Variants in AIG1 observed in about 807,000 individuals in gnomAD.
AIG1 encodes the protein androgen induced 1.
AIG1 carries 23 observed loss-of-function variants against 31.4 expected under a neutral mutation model. The observed-to-expected ratio is 0.73, with a 90% CI of 0.53 to 1.04. The LOEUF (loss-of-function observed/expected upper bound fraction) is 1.04. Ranked by LOEUF, AIG1 falls within the 50% of genes least tolerant of loss-of-function variation. The pLI, the probability that AIG1 is intolerant of heterozygous loss-of-function variation, is 0.00. For synonymous variants in AIG1, 100 were observed against 110.5 expected (o/e 0.90, Z 0.60); for missense variants, 274 against 295.0 (o/e 0.93, Z 0.52).
At chr6:143,318,006 A>G (rs980085002) in intron 4 of AIG1, among the ~76,000 whole-genome samples, 2 of 152,150 alleles carry the variant, frequency 1.3e-5, no homozygotes, top group Non-Finnish European at 1.5e-5. Context: ...GACTACACAA[A>G]CAAATGGAAA....
Position 143,328,580 on chromosome 6 carries a change from G to C in AIG1, c.516-4702G>C, listed in dbSNP as rs1048865486. Among the ~76,000 whole-genome samples the C allele has an allele frequency of 6.6e-6, 1 of 152,106 alleles. No homozygotes were observed. The highest frequency in any genetic ancestry group is 6.5e-5 in the Admixed American group (1 of 15,270). Reference sequence around the variant, plus strand: ...ATTACACTGTACTCCATGAGGACAGGAGTTAGCTCTGCCTCATTTACTTTT... The same window carrying C: ...ATTACACTGTACTCCATGAGGACAGCAGTTAGCTCTGCCTCATTTACTTTT... On this transcript the variant is annotated intron_variant, in intron 4 of 5. Coordinates refer to ENST00000357847, the MANE Select transcript of AIG1 (RefSeq NM_016108.4). The surrounding 1 kb of genome is among the most constrained non-coding windows in gnomAD (Gnocchi z 4.0).
intron 2 of AIG1, among the ~76,000 whole-genome samples, chr6:143,156,242 T>C (rs925298820): frequency 3.3e-5 from 5 of 152,208 alleles, no homozygotes; most frequent in African/African-American, 1.2e-4. Flanking sequence ...ATTGGGAAAT[T>C]GGAAAGAATG....
At chr6:143,204,208 G>A (rs888549374) in intron 3 of AIG1, among the ~76,000 whole-genome samples, 1 of 152,154 alleles carries the variant, frequency 6.6e-6, no homozygotes, top group Non-Finnish European at 1.5e-5. Flanking sequence ...GTGTTGGTCT[G>A]GAATTGAGGC....
chr6:143,093,080 T>C (rs1779448885), intron 1 of AIG1, among the ~76,000 whole-genome samples: 1 of 151,916 alleles, frequency 6.6e-6, no homozygotes, highest in Admixed American at 6.6e-5. Flanking sequence ...ATCCCTCCCC[T>C]CACAAAAAAA....
rs138062071 is a variant in AIG1 at position 143,257,280 on chromosome 6, G to A, written c.400-26830G>A. ...AAAATAAAATGAGGTTTGAAATGTG[G>A]TGTTTACTATTTAGAGTGATCTTAA... is the stretch of plus-strand genomic sequence containing the variant. On this transcript the variant is annotated intron_variant, in intron 3 of 5. Transcript: ENST00000357847. 2.4e-3 allele frequency among the ~76,000 whole-genome samples: 373 copies of A among 152,246 alleles called. 1 individual carries two copies. The highest frequency in any genetic ancestry group is 4.4e-3 in the Non-Finnish European group (300 of 68,018).
intron 2 of AIG1, among the ~76,000 whole-genome samples, chr6:143,141,277 TG>T (rs1320581253): frequency 1.3e-5 from 2 of 152,126 alleles, no homozygotes; most frequent in Admixed American, 6.5e-5. Context: ...AAGAAAGACA[TG>T]GGTGGTTTAT....
In AIG1 at chr6:143,136,831, A is replaced by G. The variant is rs772145160; in HGVS notation, c.142-4A>G. On this transcript the variant is annotated splice_region_variant and splice_polypyrimidine_tract_variant and intron_variant, in intron 1 of 5. Transcript: ENST00000357847. ...GACTCATACCGGCTGTTGTCCCCCT[A>G]CAGGTTATCCAGGCTGTCTTTTTTG... The G allele has an allele frequency of 4.3e-6, 6 of 1,405,398 alleles. No homozygotes were observed. Among genetic ancestry groups the G allele is most frequent in the South Asian group, 1.8e-5 (1 of 55,452 alleles). The allele number at this position is 1,405,398 out of a possible 1,614,324, so 87.1% of individuals were successfully genotyped here.
chr6:143,190,427 T>C, intron 3 of AIG1: 1 of 985,456 alleles, frequency 1.0e-6, no homozygotes, highest in Non-Finnish European at 1.2e-6. Flanking sequence ...TCTTTTGGTG[T>C]AAACATTTTA....
intron 4 of AIG1, among the ~76,000 whole-genome samples, chr6:143,316,611 A>AC: frequency 6.6e-6 from 1 of 152,236 alleles, no homozygotes; most frequent in Middle Eastern, 3.4e-3. Context: ...AGAAGAACAA[A>AC]CCAACCCAAA....
intron 2 of AIG1, among the ~76,000 whole-genome samples, chr6:143,147,895 C>T (rs78445742): frequency 0.023 from 3,488 of 152,240 alleles, 125 homozygotes; most frequent in African/African-American, 0.081. Context: ...TGCTGTGGGC[C>T]AGGCACTGTG....
At chr6:143,283,967 T>C in intron 3 of AIG1, 143 bp from the exon 4 acceptor site, 1 of 516,588 alleles carries the variant, frequency 1.9e-6, no homozygotes, top group Non-Finnish European at 3.4e-6. Context: ...TTACGTCCAT[T>C]CTACTTCTTT....
Position 143,339,625 on chromosome 6 carries a change from G to A in AIG1, c.680-14G>A. 6.2e-7 allele frequency: 1 copy of A among 1,612,414 alleles called. No individual in the cohort carries two copies. Among genetic ancestry groups the A allele is most frequent in the Admixed American group, 1.7e-5 (1 of 59,790 alleles). ...ATCTGATGCTCAAATAAAACACTTTGCCTGTATTTCTAGGTATGGAAGAAG... is the reference window on the plus strand; with the variant it reads ...ATCTGATGCTCAAATAAAACACTTTACCTGTATTTCTAGGTATGGAAGAAG... On this transcript the variant is annotated splice_polypyrimidine_tract_variant and intron_variant, in intron 5 of 5. Transcript: ENST00000357847.
At chr6:143,264,818 C>T (rs539271299) in intron 3 of AIG1, among the ~76,000 whole-genome samples, 2 of 152,302 alleles carry the variant, frequency 1.3e-5, no homozygotes, top group African/African-American at 4.8e-5. Flanking sequence ...CCATATATCA[C>T]TGAACACACC....
At chr6:143,151,352 A>T (rs573944901) in intron 2 of AIG1, among the ~76,000 whole-genome samples, 54 of 152,350 alleles carry the variant, frequency 3.5e-4, no homozygotes, top group Non-Finnish European at 6.2e-4. Flanking sequence ...TCATAGAGAA[A>T]AACAAAAAAT....
chr6:143,339,723 T>G lies in AIG1; in HGVS notation c.*47T>G. On this transcript the variant is annotated 3_prime_UTR_variant, in exon 6 of 6. Transcript: ENST00000357847. Reference sequence around the variant, plus strand: ...GCTAGATTGAGCCGCCATTGAAGACTCCTTCCCCTCGGGCATTGGCAGTGG... The same window carrying G: ...GCTAGATTGAGCCGCCATTGAAGACGCCTTCCCCTCGGGCATTGGCAGTGG... 1 of 1,599,434 alleles carries G rather than the reference T, an allele frequency of 6.3e-7. No homozygotes were observed. The highest frequency in any genetic ancestry group is 1.1e-5 in the South Asian group (1 of 89,442).
chr6:143,278,103 G>C (rs1284234570), intron 3 of AIG1, among the ~76,000 whole-genome samples: 7 of 152,210 alleles, frequency 4.6e-5, no homozygotes, highest in Non-Finnish European at 1.0e-4. Flanking sequence ...AGCCAGTCCA[G>C]ACCCTTCTTG....
rs553660977 is a variant in AIG1 at position 143,326,017 on chromosome 6, G to A, written c.516-7265G>A. ...CAGCTCTCATGACAATCTCCAGCAC[G>A]CCACACTCATGACTCAACAGTTTGA... On this transcript the variant is annotated intron_variant, in intron 4 of 5. Transcript: ENST00000357847. This position sits in a 1 kb window ranked among gnomAD's most constrained non-coding sequence, Gnocchi z 4.5. Among the ~76,000 whole-genome samples the A allele has an allele frequency of 2.0e-5, 3 of 152,176 alleles. No homozygotes were observed. Among genetic ancestry groups the A allele is most frequent in the South Asian group, 4.1e-4 (2 of 4,824 alleles).
At chr6:143,304,130 G>A (rs920749238) in intron 4 of AIG1, among the ~76,000 whole-genome samples, 9 of 151,914 alleles carry the variant, frequency 5.9e-5, no homozygotes, top group Admixed American at 5.9e-4. Flanking sequence ...TTTGGGCTGA[G>A]ACAATGGGGT....
At position 143,338,377 on chromosome 6, in the gene AIG1, C is replaced by T. The variant is rs573080107; in HGVS notation, c.680-1262C>T. On this transcript the variant is annotated intron_variant, in intron 5 of 5. Transcript: ENST00000357847. The surrounding 1 kb of genome is among the most constrained non-coding windows in gnomAD (Gnocchi z 4.3). ...TCTGAGAAGGACTTTGGAAAAAGTG[C>T]TCCAGATCTCTGCCAGTTCCTTAGC... 41 of 182,914 alleles carry T rather than the reference C, an allele frequency of 2.2e-4. No individual in the cohort carries two copies. The highest frequency in any genetic ancestry group is 9.3e-4 in the African/African-American group (40 of 42,896). The allele number at this position is 182,914 out of a possible 1,614,324, so 11.3% of individuals were successfully genotyped here. A position where few individuals can be genotyped will look rare whatever the true frequency, so the allele number is the denominator to read the frequency against.
Sources: gnomAD v4.1 joint callset for allele counts (sites outside exome capture counted in the v4.1 genomes callset) on GRCh38, gnomAD v4.1.1 for gene constraint, Gnocchi (gnomAD v3.1) non-coding constraint, MANE v1.5 for transcripts, NCBI Gene and HGNC (gene_info 2026-07-23, HGNC 2026-07-21) for gene names.